Variants in LRBA observed in about 807,000 individuals in gnomAD.
LRBA encodes the protein LPS responsive beige-like anchor protein.
LRBA carries 176 observed loss-of-function variants against 330.0 expected under a neutral mutation model. The observed-to-expected ratio is 0.53, with a 90% confidence interval of 0.47 to 0.60. LRBA has a LOEUF of 0.60. Ranked by LOEUF, LRBA falls within the 20% of genes least tolerant of loss-of-function variation. The probability of loss-of-function intolerance (pLI) is 0.00; values close to 1 mark genes in which losing one functional copy is unlikely to be tolerated. For missense variants in LRBA, 3,259 were observed against 3,444.8 expected, an observed-to-expected ratio of 0.95 and a Z score of 1.35; for synonymous variants, 1,230 against 1,193.0, an observed-to-expected ratio of 1.03 and a Z score of -0.64.
chr4:150,423,503 G>A (rs1393645017), intron 46 of LRBA: 4 of 498,254 alleles, frequency 8.0e-6, no homozygotes, highest in Admixed American at 7.8e-5. Flanking sequence ...TCTTTCCATG[G>A]ACCTGGGTGT....
At chr4:150,711,146 C>T (rs1786155091) in intron 36 of LRBA, among the ~76,000 whole-genome samples, 1 of 151,882 alleles carries the variant, frequency 6.6e-6, no homozygotes, top group African/African-American at 2.4e-5. Flanking sequence ...TATTTGTATG[C>T]ACAGAGAGAC....
intron 37 of LRBA, among the ~76,000 whole-genome samples, chr4:150,645,084 C>T (rs1779001035): frequency 6.6e-6 from 1 of 150,572 alleles, no homozygotes; most frequent in Non-Finnish European, 1.5e-5. Context: ...TACTAACTTG[C>T]TCTTCCACAC....
chr4:150,838,089 T>C (rs1748440017), intron 28 of LRBA, among the ~76,000 whole-genome samples: 1 of 152,174 alleles, frequency 6.6e-6, no homozygotes, highest in Non-Finnish European at 1.5e-5. Flanking sequence ...GGTTGAAAAT[T>C]CGTTTCTTTA....
At chr4:150,900,666 C>G (rs1456277378) in intron 13 of LRBA, among the ~76,000 whole-genome samples, 1 of 151,644 alleles carries the variant, frequency 6.6e-6, no homozygotes, top group Non-Finnish European at 1.5e-5. Context: ...ACTAGTAACT[C>G]AAAAGGAAAA....
intron 2 of LRBA, among the ~76,000 whole-genome samples, chr4:150,985,087 G>A (rs1261214921): frequency 7.2e-5 from 11 of 151,914 alleles, no homozygotes; most frequent in Admixed American, 5.3e-4. Context: ...GCGAAACCCC[G>A]TCTCTACTAA....
chr4:150,566,483 A>G (rs1769151714), intron 40 of LRBA, among the ~76,000 whole-genome samples: 1 of 152,120 alleles, frequency 6.6e-6, no homozygotes, highest in African/African-American at 2.4e-5. Flanking sequence ...AAAATATAAA[A>G]TAAAGACTGA....
chr4:150,454,921 T>C (rs12500337), intron 44 of LRBA, among the ~76,000 whole-genome samples: 25,868 of 151,974 alleles, frequency 0.17, 2,250 homozygotes, highest in Non-Finnish European at 0.2. Context: ...TTAATTTTTT[T>C]GGTGTTCAGT....
chr4:150,736,762 A>C (rs1731235714), intron 35 of LRBA, among the ~76,000 whole-genome samples: 2 of 152,198 alleles, frequency 1.3e-5, no homozygotes, highest in Non-Finnish European at 2.9e-5. Flanking sequence ...AAACCCAAGC[A>C]GGGTTTTTAA....
chr4:150,288,093 A>G (rs1482936033), intron 53 of LRBA, among the ~76,000 whole-genome samples: 3 of 150,966 alleles, frequency 2.0e-5, no homozygotes, highest in Non-Finnish European at 4.4e-5. Context: ...CCAGGTTCAC[A>G]CCATTCTCCT....
At chr4:150,601,087 C>A (rs760381457) in intron 37 of LRBA, among the ~76,000 whole-genome samples, 3 of 152,204 alleles carry the variant, frequency 2.0e-5, no homozygotes, top group Non-Finnish European at 2.9e-5. Flanking sequence ...GTCAGCACCA[C>A]AAACATATGA....
intron 41 of LRBA, among the ~76,000 whole-genome samples, chr4:150,488,376 A>G (rs916378194): frequency 1.3e-5 from 2 of 151,592 alleles, no homozygotes; most frequent in African/African-American, 2.4e-5. Context: ...TTTATCTTTC[A>G]TATGTTCAAA....
At chr4:150,809,474 G>A (rs1036389519) in intron 31 of LRBA, among the ~76,000 whole-genome samples, 2 of 152,228 alleles carry the variant, frequency 1.3e-5, no homozygotes, top group Non-Finnish European at 2.9e-5. Context: ...AAAGGACAAT[G>A]AAGCCAGCTT....
At chr4:150,340,412 C>T (rs1207928424) in intron 48 of LRBA, among the ~76,000 whole-genome samples, 1 of 152,068 alleles carries the variant, frequency 6.6e-6, no homozygotes, top group Non-Finnish European at 1.5e-5. Flanking sequence ...CATACTGCAC[C>T]AACATTAAAA....
intron 17 of LRBA, among the ~76,000 whole-genome samples, chr4:150,873,538 C>T (rs982329895): frequency 3.3e-5 from 5 of 151,292 alleles, no homozygotes; most frequent in Non-Finnish European, 5.9e-5. Context: ...TGCAGGGAGC[C>T]GAGATCATGC....
chr4:150,860,473 A>C (rs1285616812), intron 22 of LRBA, among the ~76,000 whole-genome samples: 2 of 152,152 alleles, frequency 1.3e-5, no homozygotes, highest in Non-Finnish European at 2.9e-5. Context: ...CCTCTCCTTA[A>C]AGCAACTATT....
chr4:150,810,767 A>G (rs2126736814), intron 31 of LRBA, among the ~76,000 whole-genome samples: 1 of 151,778 alleles, frequency 6.6e-6, no homozygotes, highest in South Asian at 2.1e-4. Context: ...ACACCTGGCT[A>G]TTTTCTATTT....
At chr4:150,551,209 T>C (rs1766545795) in intron 40 of LRBA, among the ~76,000 whole-genome samples, 1 of 152,188 alleles carries the variant, frequency 6.6e-6, no homozygotes, top group Admixed American at 6.5e-5. Context: ...TGCTCTTAGA[T>C]TTCCTGCCTC....
At chr4:150,938,155 T>C (rs1735287124) in intron 2 of LRBA, among the ~76,000 whole-genome samples, 1 of 152,036 alleles carries the variant, frequency 6.6e-6, no homozygotes, top group Admixed American at 6.6e-5. Context: ...CTATCTATTA[T>C]GACAGGTGTA....
intron 47 of LRBA, among the ~76,000 whole-genome samples, chr4:150,410,638 C>A (rs1442550731): frequency 6.6e-6 from 1 of 152,152 alleles, no homozygotes; most frequent in Non-Finnish European, 1.5e-5. Context: ...TCTGTTTCAA[C>A]AAGGTATCAA....
Sources: gnomAD v4.1 joint callset for allele counts (sites outside exome capture counted in the v4.1 genomes callset) on GRCh38, gnomAD v4.1.1 for gene constraint, MANE v1.5 for transcripts, NCBI Gene and HGNC (gene_info 2026-07-23, HGNC 2026-07-21) for gene names.